TRAK1: variants seen among roughly 807,000 people sequenced by gnomAD.
TRAK1 encodes trafficking kinesin-binding protein 1.
TRAK1 carries 33 observed loss-of-function variants against 92.1 expected under a neutral mutation model. The ratio of observed to expected loss-of-function variants is 0.36; its 90% confidence interval spans 0.27 to 0.48. TRAK1 has a LOEUF of 0.48. Among genes scored for constraint, TRAK1 ranks in the 20% least tolerant of loss-of-function variants. The pLI is 0.99. For missense variants in TRAK1, 1,123 were observed against 1,257.9 expected, an observed-to-expected ratio of 0.89 and a Z score of 1.62; for synonymous variants, 521 against 517.3, an observed-to-expected ratio of 1.01 and a Z score of -0.10.
At chr3:42,137,859 A>G (rs1156815816) in intron 2 of TRAK1, among the ~76,000 whole-genome samples, 1 of 152,212 alleles carries the variant, frequency 6.6e-6, no homozygotes, top group Non-Finnish European at 1.5e-5. Flanking sequence ...CCTTGAGCAA[A>G]TCACTTATCA....
At chr3:42,154,342 T>C (rs1445029026) in intron 2 of TRAK1, among the ~76,000 whole-genome samples, 1 of 152,102 alleles carries the variant, frequency 6.6e-6, no homozygotes, top group African/African-American at 2.4e-5. Flanking sequence ...CTGGCTTATT[T>C]TTGTGTTTTT....
At chr3:42,114,754 C>T (rs1708947028) in intron 1 of TRAK1, among the ~76,000 whole-genome samples, 1 of 151,960 alleles carries the variant, frequency 6.6e-6, no homozygotes, top group Non-Finnish European at 1.5e-5. Flanking sequence ...CCTCTGTTGC[C>T]CAGGCTGGAG....
chr3:42,169,941 A>G (rs1702342361), intron 2 of TRAK1, among the ~76,000 whole-genome samples: 1 of 152,234 alleles, frequency 6.6e-6, no homozygotes, highest in South Asian at 2.1e-4. Flanking sequence ...TGGGAAGAGC[A>G]GGAAATTCCC....
At chr3:42,102,088 C>T (rs13322076) in intron 1 of TRAK1, among the ~76,000 whole-genome samples, 6,612 of 152,266 alleles carry the variant, frequency 0.043, 489 homozygotes, top group African/African-American at 0.15. Context: ...CAGGTTCAAG[C>T]GATTCTCCTG....
chr3:42,020,127 G>A (rs1701672651), intron 1 of TRAK1, among the ~76,000 whole-genome samples: 2 of 152,172 alleles, frequency 1.3e-5, no homozygotes, highest in Admixed American at 1.3e-4. Flanking sequence ...CTCACGAGAG[G>A]GACAATGCTG....
chr3:42,211,331 A>G (rs922419388), intron 14 of TRAK1: 3 of 985,206 alleles, frequency 3.0e-6, no homozygotes, highest in Admixed American at 6.2e-5. Context: ...TCATCAAGTC[A>G]TGTGATTTGT....
rs769110618 is a variant in TRAK1 at position 42,202,438 on chromosome 3, A to G, written c.1430A>G (p.Asn477Ser). ...ILETEAADLG[N>S]DERSKKPGTP... Reference sequence around the variant, plus strand: ...CTCACACCCCTTTCTTCTTCCAGAAACGATGAGCGGAGTAAGAAGCCGGGG... The same window carrying G: ...CTCACACCCCTTTCTTCTTCCAGAAGCGATGAGCGGAGTAAGAAGCCGGGG... Residue 477 changes from asparagine (N) to serine (S), a missense_variant and splice_region_variant, in exon 13 of 16, where the codon AAC becomes AGC. By Grantham distance (46) the Asn-to-Ser change is conservative (BLOSUM62 1). Transcript: ENST00000327628. The surrounding 1 kb of genome is among the most constrained non-coding windows in gnomAD (Gnocchi z 6.1). 2.0e-6 allele frequency: 3 copies of G among 1,475,806 alleles called. No homozygotes were observed. The Admixed American group carries it at 7.0e-5, about 34-fold the overall frequency. 91.4% of individuals were successfully genotyped at this position (1,475,806 alleles called of 1,614,324 possible).
intron 2 of TRAK1, 135 bp from the exon 3 acceptor site, chr3:42,176,679 G>C (rs577480820): frequency 5.3e-6 from 4 of 753,928 alleles, no homozygotes; most frequent in South Asian, 1.6e-5. Context: ...AGTACATTGC[G>C]GGTTGAACCC....
In TRAK1 at chr3:42,202,846, C is replaced by A; in HGVS notation, c.1744+94C>A. On this transcript the variant is annotated intron_variant, in intron 13 of 15. Coordinates refer to ENST00000327628, the MANE Select transcript of TRAK1 (RefSeq NM_001042646.3). The surrounding 1 kb of genome is among the most constrained non-coding windows in gnomAD (Gnocchi z 6.1). Reference sequence around the variant, plus strand: ...CGGAAGGCGGGGCACCTCTGTCACGCCTACTCCTTTTTCTTCCGCGACAGC... The same window carrying A: ...CGGAAGGCGGGGCACCTCTGTCACGACTACTCCTTTTTCTTCCGCGACAGC... 6.5e-7 allele frequency: 1 copy of A among 1,545,084 alleles called. No homozygotes were observed.
intron 1 of TRAK1, among the ~76,000 whole-genome samples, chr3:42,092,711 G>GTTATGTTATGTTA (rs1705247688): frequency 2.0e-5 from 2 of 101,066 alleles, no homozygotes; most frequent in Admixed American, 1.1e-4. Context: ...GTGTTGTGTT[G>GTTATGTTATGTTA]TGTTATGTTA....
intron 7 of TRAK1, among the ~76,000 whole-genome samples, chr3:42,192,612 A>G (rs1409716555): frequency 1.3e-5 from 2 of 152,234 alleles, no homozygotes; most frequent in Non-Finnish European, 2.9e-5. Flanking sequence ...ATATGGGTTG[A>G]AAACTCCAAG....
intron 1 of TRAK1, among the ~76,000 whole-genome samples, chr3:42,061,885 A>G (rs148895894): frequency 3.2e-4 from 49 of 152,354 alleles, no homozygotes; most frequent in Admixed American, 1.9e-3. Context: ...CGGATATTCA[A>G]TTCAAATGAT....
intron 2 of TRAK1, among the ~76,000 whole-genome samples, chr3:42,134,064 T>C (rs895750715): frequency 6.6e-6 from 1 of 152,022 alleles, no homozygotes; most frequent in African/African-American, 2.4e-5. Flanking sequence ...ACTGGGAAAA[T>C]GCTCAATTCA....
intron 2 of TRAK1, among the ~76,000 whole-genome samples, chr3:42,163,161 C>T (rs2149310756): frequency 6.6e-6 from 1 of 152,304 alleles, no homozygotes; most frequent in East Asian, 1.9e-4. Context: ...GTTAAGTGGT[C>T]CCAGCCTATT....
intron 1 of TRAK1, among the ~76,000 whole-genome samples, chr3:42,094,102 G>A (rs943649692): frequency 6.6e-6 from 1 of 152,146 alleles, no homozygotes; most frequent in African/African-American, 2.4e-5. Context: ...AAAAAAAATG[G>A]CAGTTTTTGG....
At position 42,223,064 on chromosome 3, in the gene TRAK1, C is replaced by A; in HGVS notation, c.2189C>A (p.Ser730Tyr). Residue 730 changes from serine to tyrosine, a missense_variant, in exon 16 of 16, where the codon TCC (serine) becomes TAC (tyrosine). Ser to Tyr is a moderately radical substitution (Grantham distance 144, BLOSUM62 -2). Coordinates refer to ENST00000327628, the MANE Select transcript of TRAK1 (RefSeq NM_001042646.3). This position sits in a 1 kb window ranked among gnomAD's most constrained non-coding sequence, Gnocchi z 6.1. ...GAGTCCTTCACTAACACCCGTGAGT[C>A]CACGACCACCATGAGCACATCCCTG... The part of the protein sequence containing the change: ...LAESFTNTRE[S>Y]TTTMSTSLGL... 6.2e-7 allele frequency: 1 copy of A among 1,614,108 alleles called. No homozygotes were observed. Among genetic ancestry groups the A allele is most frequent in the Non-Finnish European group, 8.5e-7 (1 of 1,180,028 alleles).
In TRAK1 at chr3:42,224,796, T is replaced by G. The variant is rs886801923; in HGVS notation, c.*1059T>G. The G allele has an allele frequency of 2.0e-5, 3 of 152,262 alleles. No individual in the cohort carries two copies. The highest frequency in any genetic ancestry group is 7.2e-5 in the African/African-American group (3 of 41,466). The allele number at this position is 152,262 out of a possible 1,614,324, so 9.4% of individuals were successfully genotyped here. The stretch of plus-strand genomic sequence containing the variant: ...GTTCCAGGGGGAAACAAGGCTTTGG[T>G]ATTCCGCTGGCTCCAGCGCTTTTTC... On this transcript the variant is annotated 3_prime_UTR_variant, in exon 16 of 16. Transcript: ENST00000327628.
chr3:42,088,533 C>T (rs753715383), upstream of TRAK1, among the ~76,000 whole-genome samples: 9 of 152,322 alleles, frequency 5.9e-5, no homozygotes, highest in Non-Finnish European at 1.2e-4. Flanking sequence ...TCTCCCTCTT[C>T]GGAAATAGAA....
intron 1 of TRAK1, among the ~76,000 whole-genome samples, chr3:42,028,325 A>G: frequency 6.6e-6 from 1 of 152,070 alleles, no homozygotes; most frequent in Non-Finnish European, 1.5e-5. Flanking sequence ...CTTTGATTAG[A>G]GTCAGGGGAT....
Sources: gnomAD v4.1 joint callset for allele counts (sites outside exome capture counted in the v4.1 genomes callset) on GRCh38, gnomAD v4.1.1 for gene constraint, Gnocchi (gnomAD v3.1) non-coding constraint, MANE v1.5 for transcripts, NCBI Gene and HGNC (gene_info 2026-07-23, HGNC 2026-07-21) for gene names.